Variants in SPANXN4 observed in about 807,000 individuals in gnomAD.
SPANXN4 encodes the protein SPANX family member N4.
In SPANXN4, 5 loss-of-function variants were observed where a neutral mutation model predicts 6.0. The ratio of observed to expected loss-of-function variants is 0.83; its 90% CI spans 0.44 to 1.75. The LOEUF (loss-of-function observed/expected upper bound fraction) is 1.75. SPANXN4 is among the 40% of genes most tolerant of loss of function. The pLI, the probability that SPANXN4 is intolerant of heterozygous loss-of-function variation, is 0.02. For missense variants in SPANXN4, 157 were observed against 108.6 expected (o/e 1.45, Z -1.98); for synonymous variants, 45 against 38.0 (o/e 1.19, Z -0.68).
exon 3 of SPANXN4, chrX:143,034,575 C>G (rs946721924): frequency 1.3e-4 from 153 of 1,162,771 alleles, no homozygotes; most frequent in Non-Finnish European, 1.7e-4. Flanking sequence ...ATAAGAAGAT[C>G]TGTATTGTAT....
chrX:143,035,190 T>G (rs756185534), downstream of SPANXN4, among the ~76,000 whole-genome samples: 1 of 110,697 alleles, frequency 9.0e-6, no homozygotes, highest in South Asian at 3.8e-4. Context: ...TTCCTTGAGT[T>G]AATTGCTCAA....
chrX:143,035,269 TTCATTGGCAA>T (rs1425533709), downstream of SPANXN4, among the ~76,000 whole-genome samples: 2 of 110,527 alleles, frequency 1.8e-5, no homozygotes, highest in South Asian at 7.7e-4. Flanking sequence ...TCCCCTTGTC[TTCATTGGCAA>T]TCATTGTAAT....
intron 1 of SPANXN4, among the ~76,000 whole-genome samples, chrX:143,033,689 A>G (rs1030235413): frequency 9.0e-6 from 1 of 111,689 alleles, no homozygotes; most frequent in African/African-American, 3.3e-5. Context: ...ATATGATAGC[A>G]ATGTTTCTTA....
chrX:143,034,693 C>T, exon 3 of SPANXN4: 1 of 1,137,352 alleles, frequency 8.8e-7, no homozygotes, highest in Non-Finnish European at 1.2e-6. Flanking sequence ...CTGTGAGCAA[C>T]TGAAGGTCCT....
At chrX:143,030,997 G>A (rs376671537) in intron 1 of SPANXN4, among the ~76,000 whole-genome samples, 3 of 111,433 alleles carry the variant, frequency 2.7e-5, no homozygotes, top group African/African-American at 9.8e-5. Context: ...GTTTAGAAAC[G>A]TTCCAAACTT....
intron 1 of SPANXN4, among the ~76,000 whole-genome samples, chrX:143,026,525 T>A (rs776090135): frequency 1.6e-4 from 18 of 111,914 alleles, no homozygotes; most frequent in African/African-American, 4.9e-4. Context: ...GAAGGGAGCT[T>A]ACAAGAGAGT....
chrX:143,026,696 G>A (rs1030067291), intron 1 of SPANXN4, among the ~76,000 whole-genome samples: 4 of 111,443 alleles, frequency 3.6e-5, no homozygotes, highest in African/African-American at 1.3e-4. Flanking sequence ...GGAGGCACTG[G>A]TACCGGACTT....
chrX:143,028,810 T>C (rs1037549331), intron 1 of SPANXN4, among the ~76,000 whole-genome samples: 4 of 111,220 alleles, frequency 3.6e-5, no homozygotes, highest in Admixed American at 9.6e-5. Context: ...GTTTGATAGC[T>C]TCCTGAGGGG....
chrX:143,029,274 T>C (rs1932795406), intron 1 of SPANXN4, among the ~76,000 whole-genome samples: 1 of 111,576 alleles, frequency 9.0e-6, no homozygotes, highest in African/African-American at 3.3e-5. Flanking sequence ...AGGGTTCCTT[T>C]TGTAGTTAGA....
chrX:143,033,058 G>A (rs1454942464), intron 1 of SPANXN4, among the ~76,000 whole-genome samples: 1 of 111,685 alleles, frequency 9.0e-6, no homozygotes, highest in Admixed American at 9.5e-5. Flanking sequence ...TGGAGAACCA[G>A]CAGAAATAGA....
chrX:143,035,889 A>T (rs1223368581), downstream of SPANXN4, among the ~76,000 whole-genome samples: 8 of 107,529 alleles, frequency 7.4e-5, no homozygotes, highest in African/African-American at 2.7e-4. Flanking sequence ...CATCCTACAT[A>T]TCTGGTATTT....
intron 1 of SPANXN4, among the ~76,000 whole-genome samples, chrX:143,028,897 T>A (rs144154024): frequency 0.023 from 2,526 of 111,459 alleles, 59 homozygotes; most frequent in African/African-American, 0.076. Context: ...GTATTTAAGC[T>A]TTTAAAAGCT....
chrX:143,033,371 A>G lies in SPANXN4; in HGVS notation c.79-657A>G, dbSNP rs779453405. Among the ~76,000 whole-genome samples the G allele has an allele frequency of 3.6e-5, 4 of 111,566 alleles. No homozygotes were observed. The East Asian group carries it at 1.1e-3, about 32-fold the overall frequency. On this transcript the variant is annotated intron_variant, in intron 1 of 2. Transcript: ENST00000370504. ...ACTTACCTGGTAGAACTCAATCCCC[A>G]TCCTGGGTTTTGGCACCAAAATGTT...
intron 1 of SPANXN4, among the ~76,000 whole-genome samples, chrX:143,030,817 T>A (rs1932805793): frequency 9.0e-6 from 1 of 111,126 alleles, no homozygotes; most frequent in South Asian, 3.8e-4. Context: ...AGGATAGGCA[T>A]GTTGTAGCGA....
At chrX:143,034,640 G>A (rs773881711) in exon 3 of SPANXN4, 53 of 1,162,705 alleles carry the variant, frequency 4.6e-5, no homozygotes, top group Non-Finnish European at 5.8e-5. Context: ...ACCACCTTCA[G>A]GCCACATACC....
chrX:143,027,509 G>C (rs1932785280), intron 1 of SPANXN4, among the ~76,000 whole-genome samples: 1 of 111,491 alleles, frequency 9.0e-6, no homozygotes, highest in African/African-American at 3.3e-5. Flanking sequence ...CTGGCTATGA[G>C]GCGAAGGAGG....
chrX:143,035,640 A>G (rs1932839961), downstream of SPANXN4, among the ~76,000 whole-genome samples: 1 of 110,354 alleles, frequency 9.1e-6, no homozygotes, highest in Non-Finnish European at 1.9e-5. Flanking sequence ...CAGAAGTGTG[A>G]TGGATTTTTA....
rs762047708 is a variant in SPANXN4, at chrX:143,027,357, T to A, written c.78+1265T>A. ...TCCTGATATGGCAGAAGGATATAGG[T>A]TGCAGTTGAGGGAATTGTTTGTGCA... On this transcript the variant is annotated intron_variant, in intron 1 of 2. Transcript: ENST00000370504. 9.0e-5 allele frequency among the ~76,000 whole-genome samples: 10 copies of A among 111,297 alleles called. No individual in the cohort carries two copies. The South Asian group carries it at 3.1e-3, about 34-fold the overall frequency.
intron 1 of SPANXN4, among the ~76,000 whole-genome samples, chrX:143,029,439 G>A (rs1985357572): frequency 9.0e-6 from 1 of 111,541 alleles, no homozygotes. Context: ...TGGAGTGGGA[G>A]AGCATTGGAT....
Sources: allele counts gnomAD v4.1 joint callset (sites outside exome capture counted in the v4.1 genomes callset), GRCh38; gene constraint gnomAD v4.1.1; transcripts MANE v1.5; gene names NCBI Gene and HGNC (gene_info 2026-07-23, HGNC 2026-07-21).